DOCK10: variants seen among roughly 807,000 people sequenced by gnomAD.
DOCK10 encodes dedicator of cytokinesis protein 10.
Under a neutral mutation model 280.1 loss-of-function variants are expected in DOCK10, and 145 were observed. That is an observed-to-expected ratio of 0.52 (90% CI 0.45 to 0.59). The LOEUF is 0.59. DOCK10 is among the 20% of genes least tolerant of loss of function. The pLI, the probability that DOCK10 is intolerant of heterozygous loss-of-function variation, is 0.00. For synonymous variants in DOCK10, 915 were observed against 942.2 expected (o/e 0.97, Z 0.53); for missense variants, 2,368 against 2,651.7 (o/e 0.89, Z 2.35).
At chr2:224,983,038 C>A (rs1280599594) in intron 1 of DOCK10, among the ~76,000 whole-genome samples, 9 of 152,142 alleles carry the variant, frequency 5.9e-5, no homozygotes, top group African/African-American at 1.7e-4. Flanking sequence ...GTTCTGTTCC[C>A]ACACATGCAG....
intron 1 of DOCK10, among the ~76,000 whole-genome samples, chr2:224,950,496 G>A (rs982151659): frequency 6.6e-6 from 1 of 152,150 alleles, no homozygotes; most frequent in East Asian, 1.9e-4. Flanking sequence ...GTAAGTCCAG[G>A]GGGTCCAGCT....
intron 3 of DOCK10, among the ~76,000 whole-genome samples, 155 bp downstream of exon 3, chr2:224,916,540 C>CAAA (rs35956360): frequency 2.5e-4 from 28 of 110,884 alleles, no homozygotes; most frequent in African/African-American, 4.2e-4. Context: ...CACCCTCCCT[C>CAAA]AAAAAAAAAA....
rs192900216 is a variant in DOCK10, at chr2:224,895,011, T to C, written c.416+1284A>G. On this transcript the variant is annotated intron_variant, in intron 4 of 55. Coordinates refer to ENST00000258390, the MANE Select transcript of DOCK10 (RefSeq NM_014689.3). ...CCTTGGTTTCATCTTATTACGCCCC[T>C]TTCATCCTTAAGCTCTAGCCTTCCT... 6.1e-3 allele frequency among the ~76,000 whole-genome samples: 928 copies of C among 152,318 alleles called. 10 individuals are homozygous for C. Among genetic ancestry groups the C allele is most frequent in the African/African-American group, 0.02 (818 of 41,584 alleles).
rs960984316 is a variant in DOCK10, at chr2:224,805,250, C to T, written c.4007G>A (p.Ser1336Asn). Residue 1336 changes from serine (S) to asparagine (N), a missense_variant, in exon 36 of 56, where the codon AGT (serine) becomes AAT (asparagine). Ser to Asn is a conservative substitution (Grantham distance 46). This residue lies in a region of DOCK10 where 1,159 missense variants were observed against 1,400.8 expected (regional missense o/e 0.83). Transcript: ENST00000258390. The surrounding 1 kb of genome is among the most constrained non-coding windows in gnomAD (Gnocchi z 4.3). ...AATGTGAAGAAAACACATCAGGAGACTCCTGGTTTCTGCTTGATCTAACTT... is the reference window on the plus strand; with the variant it reads ...AATGTGAAGAAAACACATCAGGAGATTCCTGGTTTCTGCTTGATCTAACTT... ...FDKLDQAETRSLLMCFLHIMK... is the reference protein window; with the variant it reads ...FDKLDQAETRNLLMCFLHIMK... 1.2e-6 allele frequency: 2 copies of T among 1,613,082 alleles called. No homozygotes were observed. The highest frequency in any genetic ancestry group is 8.5e-7 in the Non-Finnish European group (1 of 1,179,330).
intron 47 of DOCK10, among the ~76,000 whole-genome samples, chr2:224,789,756 A>C (rs1325886917): frequency 6.7e-6 from 1 of 150,204 alleles, no homozygotes; most frequent in African/African-American, 2.5e-5. Flanking sequence ...AGTGGCCCCC[A>C]AAAAGACAAG....
intron 55 of DOCK10, chr2:224,769,095 T>C (rs3754624): frequency 0.19 from 69,443 of 373,606 alleles, 7,153 homozygotes; most frequent in East Asian, 0.33. Context: ...TTTATGATTT[T>C]CCCCATTCTA....
intron 1 of DOCK10, among the ~76,000 whole-genome samples, chr2:224,963,047 A>G (rs897342514): frequency 1.8e-4 from 28 of 152,130 alleles, no homozygotes; most frequent in African/African-American, 6.3e-4. Context: ...TACTGATCCC[A>G]CCTTTTGACC....
At chr2:225,029,191 A>T (rs943173642) in intron 1 of DOCK10, among the ~76,000 whole-genome samples, 4 of 152,064 alleles carry the variant, frequency 2.6e-5, no homozygotes, top group Admixed American at 1.3e-4. Context: ...ATTTATTTTG[A>T]GATGGAATCT....
intron 31 of DOCK10, among the ~76,000 whole-genome samples, chr2:224,808,717 A>T (rs995689845): frequency 6.6e-6 from 1 of 152,168 alleles, no homozygotes; most frequent in African/African-American, 2.4e-5. Context: ...GTCCCTCTCC[A>T]TTTGTATTTA....
At chr2:224,806,431 T>A (rs1348841928) in intron 33 of DOCK10, among the ~76,000 whole-genome samples, 194 bp from the exon 34 acceptor site, 1 of 152,142 alleles carries the variant, frequency 6.6e-6, no homozygotes, top group East Asian at 1.9e-4. Flanking sequence ...ATAATTTGAT[T>A]TATGTGACTT....
At chr2:224,940,138 C>A (rs1000333156) in intron 1 of DOCK10, among the ~76,000 whole-genome samples, 1 of 152,128 alleles carries the variant, frequency 6.6e-6, no homozygotes, top group Non-Finnish European at 1.5e-5. Flanking sequence ...TGGAAGGATG[C>A]AAATGTTGAT....
At chr2:224,960,244 T>C (rs1704287545) in intron 1 of DOCK10, among the ~76,000 whole-genome samples, 1 of 152,122 alleles carries the variant, frequency 6.6e-6, no homozygotes, top group Non-Finnish European at 1.5e-5. Flanking sequence ...CTGAGGCCTC[T>C]TGCTTAGCTC....
intron 1 of DOCK10, among the ~76,000 whole-genome samples, chr2:225,024,312 C>G (rs1689860025): frequency 6.6e-6 from 1 of 151,942 alleles, no homozygotes; most frequent in African/African-American, 2.4e-5. Context: ...TGATCTTGGT[C>G]ATTATATTAT....
intron 31 of DOCK10, among the ~76,000 whole-genome samples, chr2:224,811,251 T>C (rs1218104523): frequency 4.6e-5 from 7 of 152,244 alleles, no homozygotes; most frequent in African/African-American, 1.7e-4. Flanking sequence ...ATGAGCATTT[T>C]TTCGTGTGTT....
intron 3 of DOCK10, among the ~76,000 whole-genome samples, chr2:224,906,670 A>G (rs143135672): frequency 0.016 from 2,446 of 152,278 alleles, 25 homozygotes; most frequent in Middle Eastern, 0.024. Context: ...TAGTAGAGAC[A>G]GGGTTTCACC....
At chr2:224,923,344 C>T (rs1701873601) in intron 2 of DOCK10, among the ~76,000 whole-genome samples, 1 of 152,166 alleles carries the variant, frequency 6.6e-6, no homozygotes, top group Non-Finnish European at 1.5e-5. Context: ...ACTACTGAGC[C>T]AGTCATTTCA....
At chr2:224,991,748 C>A (rs565829005) in intron 1 of DOCK10, among the ~76,000 whole-genome samples, 2 of 152,194 alleles carry the variant, frequency 1.3e-5, no homozygotes, top group South Asian at 4.1e-4. Context: ...AGATGACAGA[C>A]AATCTGAGAA....
At chr2:224,978,698 C>T (rs1339337444) in intron 1 of DOCK10, among the ~76,000 whole-genome samples, 1 of 152,132 alleles carries the variant, frequency 6.6e-6, no homozygotes, top group Non-Finnish European at 1.5e-5. Context: ...GATCATTTAT[C>T]AATCGGTTAT....
At chr2:224,991,589 A>G (rs532245509) in intron 1 of DOCK10, among the ~76,000 whole-genome samples, 1 of 152,274 alleles carries the variant, frequency 6.6e-6, no homozygotes, top group South Asian at 2.1e-4. Flanking sequence ...AACAGAAGAG[A>G]GAGCCTTGGC....
Sources: gnomAD v4.1 joint callset for allele counts (sites outside exome capture counted in the v4.1 genomes callset) on GRCh38, gnomAD v4.1.1 for gene constraint, gnomAD v4.1.1 regional missense constraint, Gnocchi (gnomAD v3.1) non-coding constraint, MANE v1.5 for transcripts, NCBI Gene and HGNC (gene_info 2026-07-23, HGNC 2026-07-21) for gene names.